PXDNL: variants seen among roughly 807,000 people sequenced by gnomAD.
The protein encoded by PXDNL is peroxidasin like.
A neutral mutation model predicts 150.8 loss-of-function variants in PXDNL; 145 were observed. The ratio of observed to expected loss-of-function variants is 0.96; its 90% confidence interval spans 0.84 to 1.10. The LOEUF (loss-of-function observed/expected upper bound fraction) is 1.10. Ranked by LOEUF, PXDNL falls within the 50% of genes least tolerant of loss-of-function variation. The pLI is 0.00. For synonymous variants in PXDNL, 757 were observed against 725.7 expected (o/e 1.04, Z -0.69); for missense variants, 2,087 against 1,873.9 (o/e 1.11, Z -2.10).
Position 51,644,878 on chromosome 8 carries a change from T to C in PXDNL, c.236+9811A>G, listed in dbSNP as rs1017476705. On this transcript the variant is annotated intron_variant, in intron 2 of 22. Coordinates refer to ENST00000356297, the MANE Select transcript of PXDNL (RefSeq NM_144651.5). Reference sequence around the variant, plus strand: ...TGATTGTAGACGGCCACATAGGTTATGGCGGGGACACGGATCCATAGGTGG... The same window carrying C: ...TGATTGTAGACGGCCACATAGGTTACGGCGGGGACACGGATCCATAGGTGG... 2.6e-5 allele frequency among the ~76,000 whole-genome samples: 4 copies of C among 151,980 alleles called. No homozygotes were observed. The South Asian group carries it at 6.2e-4, about 24-fold the overall frequency.
chr8:51,750,371 C>A (rs986299058), intron 1 of PXDNL, among the ~76,000 whole-genome samples: 3 of 152,172 alleles, frequency 2.0e-5, no homozygotes, highest in Non-Finnish European at 1.5e-5. Context: ...ACAATGCCTC[C>A]TTCTCGATAC....
chr8:51,446,000 AT>A (rs936829561), intron 12 of PXDNL, among the ~76,000 whole-genome samples: 7 of 151,944 alleles, frequency 4.6e-5, no homozygotes, highest in African/African-American at 1.5e-4. Flanking sequence ...AAAAAAAAAA[AT>A]TTAGTATGTC....
chr8:51,563,485 G>A (rs1812757219), intron 3 of PXDNL, among the ~76,000 whole-genome samples: 1 of 151,930 alleles, frequency 6.6e-6, no homozygotes, highest in Non-Finnish European at 1.5e-5. Context: ...CTGGGTCTTA[G>A]GGCTTCAAGA....
intron 1 of PXDNL, among the ~76,000 whole-genome samples, chr8:51,717,057 G>T (rs1431322676): frequency 1.3e-5 from 2 of 152,170 alleles, no homozygotes; most frequent in East Asian, 3.8e-4. Context: ...TAGTTGCTCA[G>T]CAGTGTCAAC....
intron 1 of PXDNL, among the ~76,000 whole-genome samples, chr8:51,710,876 C>CA (rs1366673154): frequency 1.3e-5 from 2 of 152,120 alleles, no homozygotes; most frequent in Non-Finnish European, 1.5e-5. Context: ...GACCTCAACA[C>CA]AAAAAAGGCC....
At position 51,409,462 on chromosome 8, in the gene PXDNL, C is replaced by A. The variant is rs764163496; in HGVS notation, c.2162G>T (p.Arg721Leu). The change falls in exon 17 of 23, where the codon CGG (arginine) becomes CTG (leucine). Residue 721 changes from arginine to leucine, a missense_variant. Arg to Leu is a moderately radical substitution (Grantham distance 102). Transcript: ENST00000356297. ...ARRPLPNCSN[R>L]CFHAKYRAHD... is the part of the protein sequence containing the mutation. ...GGCGCGGTACTTCGCATGGAAACAC[C>A]GGTTGGAGCAGTTTGGCAGAGGCCT... The A allele has an allele frequency of 3.1e-6, 5 of 1,612,666 alleles. No homozygotes were observed. In the South Asian group the frequency reaches 5.5e-5, roughly 18 times the overall value.
chr8:51,668,707 A>C (rs1815439893), intron 1 of PXDNL, among the ~76,000 whole-genome samples: 1 of 152,218 alleles, frequency 6.6e-6, no homozygotes, highest in Non-Finnish European at 1.5e-5. Flanking sequence ...CATCATTATC[A>C]ATATTACTAA....
chr8:51,495,564 T>A (rs1017253155), intron 5 of PXDNL, among the ~76,000 whole-genome samples: 5 of 151,146 alleles, frequency 3.3e-5, no homozygotes, highest in Non-Finnish European at 7.4e-5. Context: ...GAGAGAAGAA[T>A]CAAATAGATG....
intron 8 of PXDNL, among the ~76,000 whole-genome samples, chr8:51,463,339 G>A (rs1481690752): frequency 6.6e-6 from 1 of 152,094 alleles, no homozygotes; most frequent in East Asian, 1.9e-4. Flanking sequence ...GTGGCAAGTT[G>A]GATTTTTAAA....
chr8:51,507,378 T>C (rs2979115), intron 4 of PXDNL, among the ~76,000 whole-genome samples: 148,670 of 152,306 alleles, frequency 0.98, 72,645 homozygotes, highest in East Asian at 1. Context: ...AGTGCAGAGA[T>C]ATGAAAATGC....
At chr8:51,790,716 G>C (rs1201132987) in intron 1 of PXDNL, among the ~76,000 whole-genome samples, 7 of 73,668 alleles carry the variant, frequency 9.5e-5, no homozygotes, top group Admixed American at 4.7e-4. Context: ...GCGAGGTCCG[G>C]ATGGGCCCAG....
rs1554557536 is a variant in PXDNL at position 51,608,054 on chromosome 8, A to AAAGAAAGAAAGC, written c.237-15357_237-15356insGCTTTCTTTCTT. On this transcript the variant is annotated intron_variant, in intron 2 of 22. Transcript: ENST00000356297. The stretch of plus-strand genomic sequence containing the variant: ...GAAAGAAAGAAAGAAAGAAAGAAAG[A>AAAGAAAGAAAGC]AAGCAAGCAAGCAAGCAAGCAAGCA... 2.5e-3 allele frequency among the ~76,000 whole-genome samples: 279 copies of AAAGAAAGAAAGC among 111,608 alleles called. 2 individuals are homozygous for AAAGAAAGAAAGC. Among genetic ancestry groups the AAAGAAAGAAAGC allele is most frequent in the Non-Finnish European group, 3.1e-3 (169 of 55,342 alleles). 73.2% of individuals were successfully genotyped at this position (111,608 alleles called of 152,430 possible).
At chr8:51,468,802 C>A (rs530483864) in intron 8 of PXDNL, among the ~76,000 whole-genome samples, 1 of 152,072 alleles carries the variant, frequency 6.6e-6, no homozygotes, top group East Asian at 1.9e-4. Flanking sequence ...TCACTCTTCA[C>A]CTCAAAAATG....
intron 1 of PXDNL, among the ~76,000 whole-genome samples, chr8:51,718,963 G>A (rs558911515): frequency 1.1e-4 from 17 of 151,856 alleles, no homozygotes; most frequent in East Asian, 3.9e-4. Context: ...GCCCCCACCC[G>A]GCCAGCCACC....
At chr8:51,796,655 C>T (rs539680074) in intron 1 of PXDNL, among the ~76,000 whole-genome samples, 87 of 152,216 alleles carry the variant, frequency 5.7e-4, no homozygotes, top group African/African-American at 1.3e-3. Context: ...AGACCAATAA[C>T]GAGTTCTGAA....
At chr8:51,470,164 A>C (rs28705735) in intron 8 of PXDNL, among the ~76,000 whole-genome samples, 36,449 of 151,984 alleles carry the variant, frequency 0.24, 6,619 homozygotes, top group African/African-American at 0.51. Context: ...ATTTCTGTTT[A>C]TCAAGTGCAC....
Position 51,362,817 on chromosome 8 carries a change from T to TTCTG in PXDNL, c.3901+9052_3901+9055dup, listed in dbSNP as rs150961576. The stretch of plus-strand genomic sequence containing the variant: ...GCTTTATGAAAACTAGAAGATCTGC[T>TTCTG]TCTGTGTTCATATGTGTACTATATA... On this transcript the variant is annotated intron_variant, in intron 19 of 22. Coordinates refer to ENST00000356297, the MANE Select transcript of PXDNL (RefSeq NM_144651.5). 4.8e-3 allele frequency among the ~76,000 whole-genome samples: 733 copies of TTCTG among 152,362 alleles called. 7 individuals carry two copies. The highest frequency in any genetic ancestry group is 0.017 in the African/African-American group (694 of 41,586).
intron 3 of PXDNL, among the ~76,000 whole-genome samples, chr8:51,565,416 C>G (rs1010627162): frequency 1.3e-5 from 2 of 151,722 alleles, no homozygotes; most frequent in Non-Finnish European, 2.9e-5. Context: ...GAAAGCCTGC[C>G]ATTGTTTGTC....
chr8:51,792,628 C>A (rs1193076323), intron 1 of PXDNL, among the ~76,000 whole-genome samples: 1 of 152,156 alleles, frequency 6.6e-6, no homozygotes. Flanking sequence ...CTCCAGTCTG[C>A]CATTTTTCCC....
Sources: gnomAD v4.1 joint callset for allele counts (sites outside exome capture counted in the v4.1 genomes callset) on GRCh38, gnomAD v4.1.1 for gene constraint, MANE v1.5 for transcripts, NCBI Gene and HGNC (gene_info 2026-07-23, HGNC 2026-07-21) for gene names.